Variants in OCLN observed in about 807,000 individuals in gnomAD.
OCLN encodes occludin.
Under a neutral mutation model 47.9 loss-of-function variants are expected in OCLN, and 21 were observed. That is an observed-to-expected ratio of 0.44 (90% CI 0.31 to 0.63). The LOEUF (loss-of-function observed/expected upper bound fraction) is 0.63. OCLN is among the 30% of genes least tolerant of loss of function. The pLI, the probability that OCLN is intolerant of heterozygous loss-of-function variation, is 0.08. For missense variants in OCLN, 360 were observed against 571.0 expected, an observed-to-expected ratio of 0.63 and a Z score of 3.77; for synonymous variants, 117 against 198.4, an observed-to-expected ratio of 0.59 and a Z score of 3.45.
intron 4 of OCLN, among the ~76,000 whole-genome samples, chr5:69,528,494 G>A (rs572280536): frequency 1.3e-5 from 2 of 152,258 alleles, no homozygotes; most frequent in South Asian, 2.1e-4. Flanking sequence ...TTCAAAATGG[G>A]GAGGAGTTTA....
intron 1 of OCLN, among the ~76,000 whole-genome samples, chr5:69,498,250 T>G (rs1768357540): frequency 6.6e-6 from 1 of 152,220 alleles, no homozygotes; most frequent in Admixed American, 6.5e-5. Flanking sequence ...TCCCAGCACT[T>G]TGGGAGGCTG....
chr5:69,500,601 C>T (rs1430102532), intron 1 of OCLN, among the ~76,000 whole-genome samples: 2 of 152,072 alleles, frequency 1.3e-5, no homozygotes, highest in Non-Finnish European at 1.5e-5. Context: ...AGGGTTTCAC[C>T]ACATTGGTCA....
rs534383059 is a variant in OCLN, at chr5:69,493,267, G to C, written c.-69+367G>C. On this transcript the variant is annotated intron_variant, in intron 1 of 8. Transcript: ENST00000396442. The surrounding 1 kb of genome is among the most constrained non-coding windows in gnomAD (Gnocchi z 5.3). ...CATCCGCTCTGGGGCTGCAGTTTGG[G>C]GGGGCGGCCTTCATGGAGAGGGATC... 9.2e-5 allele frequency among the ~76,000 whole-genome samples: 14 copies of C among 152,152 alleles called. No homozygotes were observed. The highest frequency in any genetic ancestry group is 4.6e-4 in the Admixed American group (7 of 15,270).
In OCLN at chr5:69,553,746, G is replaced by A; in HGVS notation, c.*75G>A. On this transcript the variant is annotated 3_prime_UTR_variant, in exon 9 of 9. Coordinates refer to ENST00000396442, the MANE Select transcript of OCLN (RefSeq NM_001205254.2). ...ATCTTCTCAGAAGGCAAATGACTTT[G>A]GACCATAACCCCGGAAGCCAAACCT... is the stretch of plus-strand genomic sequence containing the variant. 6.3e-6 allele frequency: 10 copies of A among 1,594,848 alleles called. No homozygotes were observed. The highest frequency in any genetic ancestry group is 8.6e-6 in the Non-Finnish European group (10 of 1,165,192).
chr5:69,521,250 A>G lies in OCLN; in HGVS notation c.891+7141A>G, dbSNP rs181104359. ...AACTTTGTTTTGTGAACATCTTTCC[A>G]AGTCTGTCAGCACATAGACCTAATT... is the stretch of plus-strand genomic sequence containing the variant. On this transcript the variant is annotated intron_variant, in intron 4 of 8. Coordinates refer to ENST00000396442, the MANE Select transcript of OCLN (RefSeq NM_001205254.2). Among the ~76,000 whole-genome samples the G allele has an allele frequency of 2.8e-3, 424 of 152,340 alleles. 1 individual carries two copies. Among genetic ancestry groups the G allele is most frequent in the African/African-American group, 9.6e-3 (400 of 41,576 alleles).
chr5:69,496,415 A>C (rs375819252), intron 1 of OCLN, among the ~76,000 whole-genome samples: 6 of 152,120 alleles, frequency 3.9e-5, no homozygotes, highest in African/African-American at 1.4e-4. Context: ...AAACTTTTTA[A>C]AGGCAAATTG....
intron 1 of OCLN, among the ~76,000 whole-genome samples, chr5:69,503,540 G>A (rs1040549550): frequency 6.6e-6 from 1 of 152,190 alleles, no homozygotes; most frequent in Non-Finnish European, 1.5e-5. Context: ...CACTCCCACA[G>A]GCTCTCCTGG....
chr5:69,532,445 A>G (rs1485917063), intron 4 of OCLN, among the ~76,000 whole-genome samples: 12 of 152,234 alleles, frequency 7.9e-5, no homozygotes, highest in Admixed American at 5.9e-4. Context: ...ACCCTTTTGA[A>G]TAGCAGCTCT....
chr5:69,513,802 A>C, intron 3 of OCLN, 146 bp from the exon 4 acceptor site: 1 of 738,178 alleles, frequency 1.4e-6, no homozygotes, highest in Non-Finnish European at 2.3e-6. Flanking sequence ...TCTGAAATGT[A>C]ACTATTTGCT....
chr5:69,494,557 TCAAA>T (rs1335657886), intron 1 of OCLN, among the ~76,000 whole-genome samples: 13 of 152,218 alleles, frequency 8.5e-5, no homozygotes, highest in South Asian at 2.1e-4. Flanking sequence ...AGATATTTCC[TCAAA>T]CAAAGCAACA....
rs1769916460 is a variant in OCLN at position 69,554,420 on chromosome 5, CCT to C, written c.*750_*751del. 1 of 152,012 alleles carries C rather than the reference CCT, an allele frequency of 6.6e-6. No individual in the cohort carries two copies. The highest frequency in any genetic ancestry group is 1.5e-5 in the Non-Finnish European group (1 of 68,020). The allele number at this position is 152,012 out of a possible 1,614,324, so 9.4% of individuals were successfully genotyped here. A position where few individuals can be genotyped will look rare whatever the true frequency, so the allele number is the denominator to read the frequency against. On this transcript the variant is annotated 3_prime_UTR_variant, in exon 9 of 9. Transcript: ENST00000396442. ...TAAATACTTTTTATCTTTTTGCATGCCTTTTTTAAAAAACCAACTAGAACTTT... is the reference window on the plus strand; with the variant it reads ...TAAATACTTTTTATCTTTTTGCATGCTTTTTAAAAAACCAACTAGAACTTT...
rs528573674 is a variant in OCLN at position 69,553,738 on chromosome 5, A to G, written c.*67A>G. On this transcript the variant is annotated 3_prime_UTR_variant, in exon 9 of 9. Transcript: ENST00000396442. ...TCTCTGCAATCTTCTCAGAAGGCAA[A>G]TGACTTTGGACCATAACCCCGGAAG... 17 of 1,597,482 alleles carry G rather than the reference A, an allele frequency of 1.1e-5. No individual in the cohort carries two copies. In the African/African-American group the frequency reaches 1.1e-4, roughly 10 times the overall value.
At chr5:69,512,271 G>T (rs142376020) in intron 3 of OCLN, among the ~76,000 whole-genome samples, 9 of 152,268 alleles carry the variant, frequency 5.9e-5, no homozygotes, top group African/African-American at 2.2e-4. Context: ...GAAAGCTTTC[G>T]CATGTTTATA....
rs764482939 is a variant in OCLN, at chr5:69,509,286, C to A, written c.196C>A (p.Arg66=). The A allele has an allele frequency of 6.2e-7, 1 of 1,614,190 alleles. No individual in the cohort carries two copies. Among genetic ancestry groups the A allele is most frequent in the Non-Finnish European group, 8.5e-7 (1 of 1,180,032 alleles). ...YKWTSPPGVI[R]ILSMLIIVMC... ...ATGGACCTCTCCTCCAGGAGTGATT[C>A]GGATCCTGTCTATGCTCATTATTGT... Residue 66 remains arginine, a synonymous_variant, in exon 3 of 9, where the codon CGG becomes AGG. Coordinates refer to ENST00000396442, the MANE Select transcript of OCLN (RefSeq NM_001205254.2).
Position 69,509,286 on chromosome 5 carries a change from C to T in OCLN, c.196C>T (p.Arg66Trp), listed in dbSNP as rs764482939. ...ATGGACCTCTCCTCCAGGAGTGATTCGGATCCTGTCTATGCTCATTATTGT... is the reference window on the plus strand; with the variant it reads ...ATGGACCTCTCCTCCAGGAGTGATTTGGATCCTGTCTATGCTCATTATTGT... ...YKWTSPPGVI[R>W]ILSMLIIVMC... The change falls in exon 3 of 9, where the codon CGG becomes TGG. Residue 66 changes from arginine to tryptophan, a missense_variant. Around this residue, in one of 3 missense-constraint regions of OCLN, gnomAD observed 314 missense variants for 368.1 expected, o/e 0.85. Transcript: ENST00000396442. The T allele has an allele frequency of 1.2e-5, 20 of 1,614,072 alleles. No individual in the cohort carries two copies. Among genetic ancestry groups the T allele is most frequent in the East Asian group, 2.2e-5 (1 of 44,902 alleles).
chr5:69,513,923 G>C, intron 3 of OCLN, 25 bp from the exon 4 acceptor site: 1 of 1,593,092 alleles, frequency 6.3e-7, no homozygotes, highest in Non-Finnish European at 8.6e-7. Context: ...ATCTAATTAT[G>C]CCAATATTTT....
intron 4 of OCLN, among the ~76,000 whole-genome samples, chr5:69,524,798 C>T (rs759044663): frequency 1.3e-5 from 2 of 151,954 alleles, no homozygotes; most frequent in Non-Finnish European, 2.9e-5. Context: ...GCAATTTTCC[C>T]ACTTCAGCCT....
At chr5:69,507,350 G>A (rs977192423) in intron 2 of OCLN, among the ~76,000 whole-genome samples, 1 of 152,154 alleles carries the variant, frequency 6.6e-6, no homozygotes. Flanking sequence ...GGCCAGGCTG[G>A]TCTCAAATTC....
chr5:69,522,738 T>C (rs1285311061), intron 4 of OCLN, among the ~76,000 whole-genome samples: 2 of 151,990 alleles, frequency 1.3e-5, no homozygotes, highest in African/African-American at 4.8e-5. Flanking sequence ...TTTATTTTTT[T>C]TTTTCTTGAG....
Sources: gnomAD v4.1 joint callset for allele counts (sites outside exome capture counted in the v4.1 genomes callset) on GRCh38, gnomAD v4.1.1 for gene constraint, gnomAD v4.1.1 regional missense constraint, Gnocchi (gnomAD v3.1) non-coding constraint, MANE v1.5 for transcripts, NCBI Gene and HGNC (gene_info 2026-07-23, HGNC 2026-07-21) for gene names.